XKR4: variants seen among roughly 807,000 people sequenced by gnomAD.
XKR4 encodes the protein XK related 4.
In XKR4, 12 loss-of-function variants were observed where a neutral mutation model predicts 53.9. The ratio of observed to expected loss-of-function variants is 0.22; its 90% CI spans 0.14 to 0.36. XKR4 has a LOEUF of 0.36. XKR4 is among the 10% of genes least tolerant of loss of function. XKR4 has a pLI of 1.00. For synonymous variants in XKR4, 354 were observed against 362.4 expected, an observed-to-expected ratio of 0.98 and a Z score of 0.26; for missense variants, 799 against 859.5, an observed-to-expected ratio of 0.93 and a Z score of 0.88.
intron 2 of XKR4, among the ~76,000 whole-genome samples, chr8:55,521,573 A>G (rs1806798676): frequency 6.6e-6 from 1 of 152,364 alleles, no homozygotes; most frequent in South Asian, 2.1e-4. Context: ...AAAAGAAAAG[A>G]AAAGAAAAAC....
At chr8:55,423,830 C>T (rs1016850209) in intron 2 of XKR4, among the ~76,000 whole-genome samples, 4 of 152,222 alleles carry the variant, frequency 2.6e-5, no homozygotes, top group Non-Finnish European at 5.9e-5. Context: ...ATGCACCATT[C>T]TTGTCAGACC....
At chr8:55,471,093 A>C (rs912716324) in intron 2 of XKR4, among the ~76,000 whole-genome samples, 1 of 152,162 alleles carries the variant, frequency 6.6e-6, no homozygotes, top group East Asian at 1.9e-4. Context: ...TTAAATAACT[A>C]TTTAATAATT....
chr8:55,198,285 A>T (rs1486442072), intron 1 of XKR4, among the ~76,000 whole-genome samples: 3 of 152,182 alleles, frequency 2.0e-5, no homozygotes, highest in Non-Finnish European at 4.4e-5. Context: ...CATCTACTCA[A>T]CCTGGGTAAC....
chr8:55,462,612 T>C (rs1205328430), intron 2 of XKR4, among the ~76,000 whole-genome samples: 2 of 152,084 alleles, frequency 1.3e-5, no homozygotes, highest in Non-Finnish European at 2.9e-5. Flanking sequence ...GGGATCAAAT[T>C]CACACATAAC....
intron 1 of XKR4, among the ~76,000 whole-genome samples, chr8:55,231,358 T>G (rs1457384750): frequency 6.6e-6 from 1 of 152,250 alleles, no homozygotes; most frequent in Non-Finnish European, 1.5e-5. Flanking sequence ...ATTGCTTTAG[T>G]GTATGTGTGT....
chr8:55,455,627 T>A (rs1027430339), intron 2 of XKR4, among the ~76,000 whole-genome samples: 6 of 152,136 alleles, frequency 3.9e-5, no homozygotes, highest in African/African-American at 1.4e-4. Flanking sequence ...GGTAGACCAA[T>A]AAGAAATTGA....
At chr8:55,263,055 C>T (rs904267469) in intron 1 of XKR4, among the ~76,000 whole-genome samples, 1 of 152,164 alleles carries the variant, frequency 6.6e-6, no homozygotes, top group African/African-American at 2.4e-5. Flanking sequence ...CTCTGACCAC[C>T]CTGCTCTTTC....
intron 1 of XKR4, among the ~76,000 whole-genome samples, chr8:55,335,221 A>C (rs1162628159): frequency 6.6e-6 from 1 of 152,242 alleles, no homozygotes; most frequent in African/African-American, 2.4e-5. Flanking sequence ...CCCAAGAAGC[A>C]GAAATCTAAA....
At chr8:55,105,281 G>A (rs1327307703) in intron 1 of XKR4, among the ~76,000 whole-genome samples, 2 of 144,550 alleles carry the variant, frequency 1.4e-5, no homozygotes, top group Non-Finnish European at 3.0e-5. Context: ...AAAGATATGA[G>A]CCTAAAAACA....
chr8:55,317,663 T>C (rs1299429994), intron 1 of XKR4, among the ~76,000 whole-genome samples: 1 of 152,178 alleles, frequency 6.6e-6, no homozygotes, highest in Non-Finnish European at 1.5e-5. Context: ...CAGGCAGTGA[T>C]GGAGGGCTCA....
chr8:55,405,030 G>A (rs1804663539), intron 2 of XKR4, among the ~76,000 whole-genome samples: 1 of 152,184 alleles, frequency 6.6e-6, no homozygotes, highest in East Asian at 1.9e-4. Context: ...TACAATTTGT[G>A]CAAGAACTTG....
chr8:55,435,806 G>A (rs1486300342), intron 2 of XKR4, among the ~76,000 whole-genome samples: 2 of 152,038 alleles, frequency 1.3e-5, no homozygotes, highest in Admixed American at 6.6e-5. Flanking sequence ...GGGCTCAAGC[G>A]ATCCTCCTTC....
intron 2 of XKR4, among the ~76,000 whole-genome samples, chr8:55,500,324 T>A (rs1198856664): frequency 6.6e-6 from 1 of 152,182 alleles, no homozygotes. Context: ...TCTTCACCAG[T>A]ATTGAAAGCC....
At chr8:55,133,438 T>C (rs1403889664) in intron 1 of XKR4, among the ~76,000 whole-genome samples, 1 of 152,196 alleles carries the variant, frequency 6.6e-6, no homozygotes, top group Non-Finnish European at 1.5e-5. Flanking sequence ...CTCGGTTCTG[T>C]TGGAAATAAG....
chr8:55,492,275 A>C (rs564973013), intron 2 of XKR4, among the ~76,000 whole-genome samples: 2 of 152,320 alleles, frequency 1.3e-5, no homozygotes, highest in East Asian at 3.9e-4. Context: ...TAATTTGTCC[A>C]TGCTTTATAT....
intron 2 of XKR4, among the ~76,000 whole-genome samples, chr8:55,495,241 G>C (rs981029940): frequency 6.6e-6 from 1 of 152,194 alleles, no homozygotes; most frequent in Non-Finnish European, 1.5e-5. Flanking sequence ...GAGAAGCCAG[G>C]CAGTGAGAGC....
chr8:55,518,390 CT>C (rs1307584480), intron 2 of XKR4, among the ~76,000 whole-genome samples: 1 of 152,192 alleles, frequency 6.6e-6, no homozygotes, highest in Admixed American at 6.5e-5. Flanking sequence ...GTCCTTCCTT[CT>C]TTTCCCTCTA....
At position 55,289,610 on chromosome 8, in the gene XKR4, A is replaced by AAAG. The variant is rs1314298202; in HGVS notation, c.807-68065_807-68063dup. The stretch of plus-strand genomic sequence containing the variant: ...AAGAAAGAGAAAGAAAGAAAGAAAG[A>AAAG]AAGAAAGAAAGAAAGAAAGAAAGAA... On this transcript the variant is annotated intron_variant, in intron 1 of 2. Coordinates refer to ENST00000327381, the MANE Select transcript of XKR4 (RefSeq NM_052898.2). Among the ~76,000 whole-genome samples, 9 of 132,632 alleles carry AAAG rather than the reference A, an allele frequency of 6.8e-5. No individual in the cohort carries two copies. In the East Asian group the frequency reaches 1.9e-3, roughly 28 times the overall value. 87.0% of individuals were successfully genotyped at this position (132,632 alleles called of 152,430 possible).
chr8:55,148,410 A>AT lies in XKR4; in HGVS notation c.806+45116_806+45117insT, dbSNP rs1310674904. Among the ~76,000 whole-genome samples the AT allele has an allele frequency of 6.0e-3, 910 of 152,002 alleles. 7 individuals are homozygous for AT. The highest frequency in any genetic ancestry group is 0.02 in the African/African-American group (847 of 41,482). ...ACAGAGGAAGACCCTGTCTAAAAAA[A>AT]AATATATATATATATACCATAGCTT... On this transcript the variant is annotated intron_variant, in intron 1 of 2. Coordinates refer to ENST00000327381, the MANE Select transcript of XKR4 (RefSeq NM_052898.2).
Sources: gnomAD v4.1 joint callset for allele counts (sites outside exome capture counted in the v4.1 genomes callset) on GRCh38, gnomAD v4.1.1 for gene constraint, MANE v1.5 for transcripts, NCBI Gene and HGNC (gene_info 2026-07-23, HGNC 2026-07-21) for gene names.